Variants in DCTN1 observed in about 807,000 individuals in gnomAD.
The protein encoded by DCTN1 is dynactin subunit 1.
DCTN1 carries 61 observed loss-of-function variants against 161.2 expected under a neutral mutation model. The ratio of observed to expected loss-of-function variants is 0.38; its 90% confidence interval spans 0.31 to 0.47. The LOEUF (loss-of-function observed/expected upper bound fraction) is 0.47, where lower values mean the gene tolerates loss of function less well. Among genes scored for constraint, DCTN1 ranks in the 20% least tolerant of loss-of-function variants. DCTN1 has a pLI of 0.99. For missense variants in DCTN1, 1,404 were observed against 1,623.7 expected (o/e 0.86, Z 2.33); for synonymous variants, 653 against 632.4 (o/e 1.03, Z -0.49).
At chr2:74,380,445 T>C (rs774859723), upstream of DCTN1, 2 of 483,984 alleles carry the variant, frequency 4.1e-6, no homozygotes, top group Non-Finnish European at 8.5e-6. Context: ...TTGAATACAC[T>C]GTCCTAGGGC....
At chr2:74,371,886 G>A in intron 7 of DCTN1, 158 bp from the exon 8 acceptor site, 1 of 643,866 alleles carries the variant, frequency 1.6e-6, no homozygotes, top group Non-Finnish European at 2.8e-6. Context: ...AAGAATGAAG[G>A]GGACAAGGAA....
rs201438504 is a variant in DCTN1, at chr2:74,371,191, C to T, written c.646-15G>A. On this transcript the variant is annotated splice_polypyrimidine_tract_variant and intron_variant, in intron 8 of 31. Transcript: ENST00000628224. Reference sequence around the variant, plus strand: ...CCCTCCTCCTCCTGCAAAGGAGAGGCCTCACGGTCTGTGCACAGCCCACTC... The same window carrying T: ...CCCTCCTCCTCCTGCAAAGGAGAGGTCTCACGGTCTGTGCACAGCCCACTC... The T allele has an allele frequency of 1.9e-5, 30 of 1,612,594 alleles. No individual in the cohort carries two copies. The East Asian group carries it at 3.6e-4, about 19-fold the overall frequency.
intron 21 of DCTN1, 73 bp downstream of exon 21, chr2:74,366,710 T>C (rs776373786): frequency 3.0e-5 from 49 of 1,614,192 alleles, no homozygotes; most frequent in Non-Finnish European, 4.0e-5. Context: ...CCTAACCAGA[T>C]CCAGATCTTC....
rs1674679153 is a variant in DCTN1 at position 74,369,573 on chromosome 2, T to C, written c.1393-82A>G. ...GGTTCACACCTGTAATCCCAGCACT[T>C]TGGGAGGTCAAAGCAGGCGGATCAT... is the stretch of plus-strand genomic sequence containing the variant. On this transcript the variant is annotated intron_variant, in intron 13 of 31. Transcript: ENST00000628224. The surrounding 1 kb of genome is among the most constrained non-coding windows in gnomAD (Gnocchi z 4.9). 1 of 1,423,038 alleles carries C rather than the reference T, an allele frequency of 7.0e-7. No homozygotes were observed. The highest frequency in any genetic ancestry group is 9.8e-7 in the Non-Finnish European group (1 of 1,018,890). 88.2% of individuals were successfully genotyped at this position (1,423,038 alleles called of 1,614,324 possible).
At position 74,365,134 on chromosome 2, in the gene DCTN1, T is replaced by C. The variant is rs145857843; in HGVS notation, c.3137A>G (p.Glu1046Gly). The change falls in exon 26 of 32, where the codon GAG (glutamate) becomes GGG (glycine). Residue 1046 changes from glutamate (E) to glycine (G), a missense_variant. Physicochemically the swap from Glu to Gly is moderately conservative, Grantham distance 98. Around this residue, in one of 9 missense-constraint regions of DCTN1, gnomAD observed 311 missense variants for 298.9 expected, o/e 1.04. Coordinates refer to ENST00000628224, the MANE Select transcript of DCTN1 (RefSeq NM_004082.5). ...RLNSQSKRTI[E>G]GLRGPPPSGI... ...TGAAGGAGGAGGGCCCCGGAGTCCCTCAATCGTGCGTTTGGACTGGCTGTT... is the reference window on the plus strand; with the variant it reads ...TGAAGGAGGAGGGCCCCGGAGTCCCCCAATCGTGCGTTTGGACTGGCTGTT... 1.4e-4 allele frequency: 226 copies of C among 1,614,050 alleles called. No individual in the cohort carries two copies. Among genetic ancestry groups the C allele is most frequent in the Non-Finnish European group, 1.7e-4 (201 of 1,180,040 alleles).
At chr2:74,361,769 T>A in intron 31 of DCTN1, 133 bp from the exon 32 acceptor site, 1 of 1,152,240 alleles carries the variant, frequency 8.7e-7, no homozygotes, top group Non-Finnish European at 1.3e-6. Flanking sequence ...TGGGCTATTG[T>A]GACCACATTT....
At chr2:74,365,026 G>A in intron 26 of DCTN1, 49 bp downstream of exon 26, 4 of 1,612,906 alleles carry the variant, frequency 2.5e-6, no homozygotes, top group Non-Finnish European at 3.4e-6. Flanking sequence ...AAGGACAGGA[G>A]AGAAGACAAT....
intron 16 of DCTN1, 42 bp from the exon 17 acceptor site, chr2:74,368,173 G>C (rs937189227): frequency 1.9e-6 from 3 of 1,556,318 alleles, no homozygotes; most frequent in East Asian, 2.4e-5. Flanking sequence ...CAGAGCAGAG[G>C]ATGGAGAACA....
At chr2:74,363,915 G>A (rs1674212486) in intron 26 of DCTN1, 1 of 503,684 alleles carries the variant, frequency 2.0e-6, no homozygotes, top group African/African-American at 1.9e-5. Flanking sequence ...TGGAACATGA[G>A]GCTGTTCCTG....
At position 74,379,992 on chromosome 2, in the gene DCTN1, T is replaced by G; in HGVS notation, c.33+13A>C. 1 of 1,614,002 alleles carries G rather than the reference T, an allele frequency of 6.2e-7. No homozygotes were observed. The highest frequency in any genetic ancestry group is 8.5e-7 in the Non-Finnish European group (1 of 1,179,908). On this transcript the variant is annotated intron_variant, in intron 1 of 31. Transcript: ENST00000628224. Reference sequence around the variant, plus strand: ...GCAGCCCTCCAGGGCCATCCCAGATTAGGGCCACTTACCCGGCTGTACACG... The same window carrying G: ...GCAGCCCTCCAGGGCCATCCCAGATGAGGGCCACTTACCCGGCTGTACACG...
At position 74,369,902 on chromosome 2, in the gene DCTN1, T is replaced by C; in HGVS notation, c.1392+63A>G. The C allele has an allele frequency of 6.6e-7, 1 of 1,526,678 alleles. No homozygotes were observed. The highest frequency in any genetic ancestry group is 9.0e-7 in the Non-Finnish European group (1 of 1,109,000). 94.6% of individuals were successfully genotyped at this position (1,526,678 alleles called of 1,614,324 possible). Reference sequence around the variant, plus strand: ...GCACACCCTGCTCAAAGGCCAAGGGTCACATGTCAATCTTTTTCTCAGCAG... The same window carrying C: ...GCACACCCTGCTCAAAGGCCAAGGGCCACATGTCAATCTTTTTCTCAGCAG... On this transcript the variant is annotated intron_variant, in intron 13 of 31. Transcript: ENST00000628224. This position sits in a 1 kb window ranked among gnomAD's most constrained non-coding sequence, Gnocchi z 4.9.
rs61676484 is a variant in DCTN1 at position 74,373,174 on chromosome 2, T to C, written c.433-226A>G. The C allele has an allele frequency of 0.014, 8,447 of 624,514 alleles. 544 individuals carry two copies. The African/African-American group carries it at 0.14, about 10-fold the overall frequency. The allele number at this position is 624,514 out of a possible 1,614,324, so 38.7% of individuals were successfully genotyped here. A position where few individuals can be genotyped will look rare whatever the true frequency, so the allele number is the denominator to read the frequency against. On this transcript the variant is annotated intron_variant, in intron 6 of 31. Transcript: ENST00000628224. The stretch of plus-strand genomic sequence containing the variant: ...TTCCCCTTGGTTCCTGCTCCCACTT[T>C]TGTCCAATCCTTGCAGGCCTCACCC...
rs767698839 is a variant in DCTN1 at position 74,367,991 on chromosome 2, G to A, written c.1995C>T (p.Ala665=). The A allele has an allele frequency of 9.9e-6, 16 of 1,614,208 alleles. No individual in the cohort carries two copies. Among genetic ancestry groups the A allele is most frequent in the Non-Finnish European group, 1.3e-5 (15 of 1,180,040 alleles). The change falls in exon 17 of 32, where the codon GCC becomes GCT. Residue 665 remains alanine (A), a synonymous_variant. Coordinates refer to ENST00000628224, the MANE Select transcript of DCTN1 (RefSeq NM_004082.5). The part of the protein sequence containing the change: ...GLVYSLSLLQ[A]TLHRYEHALS... ...CTTACTGCTCATAGCGGTGTAGCGTGGCCTGCAGCAGGCTCAGCGAGTACA... is the reference window on the plus strand; with the variant it reads ...CTTACTGCTCATAGCGGTGTAGCGTAGCCTGCAGCAGGCTCAGCGAGTACA...
At chr2:74,371,388 T>C (rs1035732034) in intron 8 of DCTN1, 149 bp downstream of exon 8, 12 of 1,259,280 alleles carry the variant, frequency 9.5e-6, no homozygotes, top group Non-Finnish European at 1.3e-5. Flanking sequence ...GATGGCTCAG[T>C]CAGTAGCAAG....
chr2:74,369,907 T>C lies in DCTN1; in HGVS notation c.1392+58A>G, dbSNP rs1674708261. 6.5e-7 allele frequency: 1 copy of C among 1,544,230 alleles called. No homozygotes were observed. The highest frequency in any genetic ancestry group is 1.1e-5 in the South Asian group (1 of 89,748). On this transcript the variant is annotated intron_variant, in intron 13 of 31. Transcript: ENST00000628224. The surrounding 1 kb of genome is among the most constrained non-coding windows in gnomAD (Gnocchi z 4.9). ...CCCTGCTCAAAGGCCAAGGGTCACA[T>C]GTCAATCTTTTTCTCAGCAGGTCCA...
intron 5 of DCTN1, among the ~76,000 whole-genome samples, chr2:74,376,221 G>C (rs1274993524): frequency 6.6e-6 from 1 of 152,070 alleles, no homozygotes; most frequent in East Asian, 1.9e-4. Context: ...AGAGTTGTGG[G>C]GTGTGGGGAT....
At chr2:74,365,478 G>T (rs768115432) in intron 25 of DCTN1, 37 bp downstream of exon 25, 2 of 1,614,004 alleles carry the variant, frequency 1.2e-6, no homozygotes, top group South Asian at 1.1e-5. Flanking sequence ...GCAGTGGGAG[G>T]ATTAGAGGAA....
intron 26 of DCTN1, chr2:74,364,794 A>G (rs1674277981): frequency 2.1e-6 from 1 of 480,692 alleles, no homozygotes; most frequent in East Asian, 4.2e-5. Context: ...GAAAGGTCAG[A>G]TTACAGAGCC....
intron 18 of DCTN1, 131 bp downstream of exon 18, chr2:74,367,565 A>G (rs1674515829): frequency 6.7e-7 from 1 of 1,484,752 alleles, no homozygotes; most frequent in African/African-American, 1.4e-5. Flanking sequence ...TCATATGGAG[A>G]GTTCATCTAA....
Sources: allele counts gnomAD v4.1 joint callset (sites outside exome capture counted in the v4.1 genomes callset), GRCh38; gene constraint gnomAD v4.1.1; regional missense constraint gnomAD v4.1.1; non-coding constraint Gnocchi (gnomAD v3.1); transcripts MANE v1.5; gene names NCBI Gene and HGNC (gene_info 2026-07-23, HGNC 2026-07-21).